The following TRPM7 variants were observed in gnomAD, a reference collection of about 807,000 sequenced individuals.
TRPM7 encodes the protein LTRPC ion channel family member 7.
TRPM7 carries 134 observed loss-of-function variants against 229.7 expected under a neutral mutation model. That is an observed-to-expected ratio of 0.58 (90% confidence interval 0.51 to 0.67). The LOEUF (loss-of-function observed/expected upper bound fraction) is 0.67. Among genes scored for constraint, TRPM7 ranks in the 30% least tolerant of loss-of-function variants. The pLI is 0.00. For missense variants in TRPM7, 1,901 were observed against 2,210.0 expected, an observed-to-expected ratio of 0.86 and a Z score of 2.80; for synonymous variants, 699 against 715.2, an observed-to-expected ratio of 0.98 and a Z score of 0.36.
chr15:50,675,097 C>T (rs1032263145), intron 1 of TRPM7, among the ~76,000 whole-genome samples: 4 of 152,176 alleles, frequency 2.6e-5, no homozygotes, highest in African/African-American at 9.7e-5. Context: ...TATCCCAACA[C>T]TTTGGGAAGC....
intron 1 of TRPM7, among the ~76,000 whole-genome samples, chr15:50,669,145 G>A (rs1161321398): frequency 6.6e-6 from 1 of 152,184 alleles, no homozygotes; most frequent in East Asian, 1.9e-4. Context: ...GCTGAGGTCA[G>A]GCGCAGTGGC....
At chr15:50,614,420 T>C (rs987785936) in intron 13 of TRPM7, among the ~76,000 whole-genome samples, 157 bp from the exon 14 acceptor site, 2 of 152,132 alleles carry the variant, frequency 1.3e-5, no homozygotes, top group South Asian at 4.1e-4. Context: ...ATCCCAACAT[T>C]TTGGGAGGCC....
At chr15:50,656,009 CAA>C (rs58988824) in intron 3 of TRPM7, among the ~76,000 whole-genome samples, 98 of 139,280 alleles carry the variant, frequency 7.0e-4, no homozygotes, top group South Asian at 6.7e-4. Context: ...AAGAAAAAAA[CAA>C]AAAAAAAAAA....
At chr15:50,677,122 T>C (rs982408938) in intron 1 of TRPM7, among the ~76,000 whole-genome samples, 8 of 152,128 alleles carry the variant, frequency 5.3e-5, no homozygotes, top group Non-Finnish European at 8.8e-5. Context: ...AGACTGAAAG[T>C]TCAGGATCAA....
At chr15:50,683,015 T>TG (rs559505520) in intron 1 of TRPM7, among the ~76,000 whole-genome samples, 291 of 152,032 alleles carry the variant, frequency 1.9e-3, no homozygotes, top group Non-Finnish European at 3.7e-3. Context: ...CCCAAGTAGC[T>TG]GGGACCACAG....
chr15:50,622,893 G>GA (rs201696132), intron 12 of TRPM7, among the ~76,000 whole-genome samples: 6 of 150,042 alleles, frequency 4.0e-5, no homozygotes, highest in Non-Finnish European at 7.4e-5. Flanking sequence ...CTCAAAAAAA[G>GA]AAAAAAAAGG....
At chr15:50,640,453 C>CTTT (rs71124399) in intron 5 of TRPM7, among the ~76,000 whole-genome samples, 25 of 131,410 alleles carry the variant, frequency 1.9e-4, no homozygotes, top group African/African-American at 5.6e-4. Flanking sequence ...ATTTTTTTTT[C>CTTT]TTTTTTTTTT....
Position 50,599,305 on chromosome 15 carries a change from A to C in TRPM7, c.2989-9T>G. On this transcript the variant is annotated splice_polypyrimidine_tract_variant and intron_variant, in intron 21 of 38. Transcript: ENST00000646667. ...TAGAACATATTGGCCACCTGTTAAA[A>C]AATGAACACTGTTAAAATACAAGGA... The C allele has an allele frequency of 6.3e-7, 1 of 1,588,334 alleles. No individual in the cohort carries two copies. Among genetic ancestry groups the C allele is most frequent in the Non-Finnish European group, 8.6e-7 (1 of 1,165,522 alleles).
chr15:50,633,605 G>A (rs1366674467), intron 8 of TRPM7, among the ~76,000 whole-genome samples: 1 of 151,872 alleles, frequency 6.6e-6, no homozygotes, highest in African/African-American at 2.4e-5. Flanking sequence ...CTTCCTTTTT[G>A]CATGTACATA....
At chr15:50,663,788 C>T (rs553710070) in intron 1 of TRPM7, among the ~76,000 whole-genome samples, 2 of 152,180 alleles carry the variant, frequency 1.3e-5, no homozygotes, top group South Asian at 4.1e-4. Flanking sequence ...CATGGTGAAA[C>T]GCCATCTCTA....
rs756816815 is a variant in TRPM7 at position 50,643,531 on chromosome 15, G to T, written c.344C>A (p.Thr115Asn). The change falls in exon 5 of 39, where the codon ACC (threonine) becomes AAC (asparagine). Residue 115 changes from threonine to asparagine, a missense_variant. Transcript: ENST00000646667. ...AAGTTGCAGAATGACTTCAGGTTTG[G>T]TGTCATATGATAGCCTCACATACTA... ...RAKYVRLSYD[T>N]KPEVILQLLL... The T allele has an allele frequency of 6.2e-7, 1 of 1,614,028 alleles. No homozygotes were observed. The highest frequency in any genetic ancestry group is 8.5e-7 in the Non-Finnish European group (1 of 1,179,964).
chr15:50,566,214 A>G (rs561960664), intron 38 of TRPM7, among the ~76,000 whole-genome samples: 3 of 152,210 alleles, frequency 2.0e-5, no homozygotes, highest in Non-Finnish European at 4.4e-5. Flanking sequence ...GAAATCAATT[A>G]AAGACATTTG....
chr15:50,666,349 A>G (rs2061879273), intron 1 of TRPM7, among the ~76,000 whole-genome samples: 1 of 152,022 alleles, frequency 6.6e-6, no homozygotes, highest in East Asian at 1.9e-4. Flanking sequence ...CTGAAGCCAG[A>G]GGATCATCTG....
Position 50,607,111 on chromosome 15 carries a change from C to CA in TRPM7, c.2709+88_2709+89insT, listed in dbSNP as rs1555412127. On this transcript the variant is annotated intron_variant, in intron 20 of 38. Coordinates refer to ENST00000646667, the MANE Select transcript of TRPM7 (RefSeq NM_017672.6). ...TACAATGTCATCATACACACACACA[C>CA]CCCCCTACGTATACACCCAAAACAA... 135 of 1,005,978 alleles carry CA rather than the reference C, an allele frequency of 1.3e-4. 1 individual carries two copies. Among genetic ancestry groups the CA allele is most frequent in the South Asian group, 2.2e-4 (11 of 50,466 alleles). The allele number at this position is 1,005,978 out of a possible 1,614,324, so 62.3% of individuals were successfully genotyped here. A position where few individuals can be genotyped will look rare whatever the true frequency, so the allele number is the denominator to read the frequency against.
chr15:50,578,688 G>C (rs761819951), intron 30 of TRPM7, 24 bp from the exon 31 acceptor site: 6 of 1,576,512 alleles, frequency 3.8e-6, no homozygotes, highest in Non-Finnish European at 5.2e-6. Flanking sequence ...AAAAAATATA[G>C]TATAAGCTGT....
rs2140998506 is a variant in TRPM7, at chr15:50,686,451, C to A, written c.3+80G>T. ...TCGCCGCATGGAACGCGGCTCCCCACACACTTGCCTGCCAAGTCTCTCCTT... is the reference window on the plus strand; with the variant it reads ...TCGCCGCATGGAACGCGGCTCCCCAAACACTTGCCTGCCAAGTCTCTCCTT... On this transcript the variant is annotated intron_variant, in intron 1 of 38. Transcript: ENST00000646667. 47 of 1,611,836 alleles carry A rather than the reference C, an allele frequency of 2.9e-5. 1 individual carries two copies. The South Asian group carries it at 4.9e-4, about 17-fold the overall frequency.
chr15:50,673,982 A>C (rs2062044093), intron 1 of TRPM7, among the ~76,000 whole-genome samples: 1 of 151,860 alleles, frequency 6.6e-6, no homozygotes, highest in Non-Finnish European at 1.5e-5. Context: ...GTATTATTGC[A>C]TTCTGGTTTT....
intron 22 of TRPM7, among the ~76,000 whole-genome samples, chr15:50,597,907 A>G (rs1326324687): frequency 1.3e-5 from 2 of 152,012 alleles, no homozygotes; most frequent in African/African-American, 4.8e-5. Context: ...TGACACGGTG[A>G]GACTCGGTCT....
At chr15:50,576,034 C>A in intron 31 of TRPM7, 115 bp from the exon 32 acceptor site, 1 of 1,060,856 alleles carries the variant, frequency 9.4e-7, no homozygotes, top group Non-Finnish European at 1.4e-6. Flanking sequence ...CTGTTCCTCA[C>A]AAAAACAGAA....
Sources: gnomAD v4.1 joint callset for allele counts (sites outside exome capture counted in the v4.1 genomes callset) on GRCh38, gnomAD v4.1.1 for gene constraint, MANE v1.5 for transcripts, NCBI Gene and HGNC (gene_info 2026-07-23, HGNC 2026-07-21) for gene names.